XYLT2: variants seen among roughly 807,000 people sequenced by gnomAD.
XYLT2 encodes the protein xylosyltransferase 2.
In XYLT2, 37 loss-of-function variants were observed where a neutral mutation model predicts 82.6. The ratio of observed to expected loss-of-function variants is 0.45; its 90% confidence interval spans 0.34 to 0.59. The LOEUF (loss-of-function observed/expected upper bound fraction) is 0.59. Among genes scored for constraint, XYLT2 ranks in the 20% least tolerant of loss-of-function variants. The probability of loss-of-function intolerance (pLI) is 0.01; values close to 1 mark genes in which losing one functional copy is unlikely to be tolerated. For missense variants in XYLT2, 934 were observed against 1,181.3 expected (o/e 0.79, Z 3.07); for synonymous variants, 474 against 499.0 (o/e 0.95, Z 0.67).
chr17:50,355,827 T>G lies in XYLT2; in HGVS notation c.1135T>G (p.Ser379Ala). 6.2e-7 allele frequency: 1 copy of G among 1,614,260 alleles called. No homozygotes were observed. ...GGACCGGCTCTTCCATGAGTGCGACTCACACATGTGGCGCCTGGGCGAGCG... is the reference window on the plus strand; with the variant it reads ...GGACCGGCTCTTCCATGAGTGCGACGCACACATGTGGCGCCTGGGCGAGCG... The part of the protein sequence containing the change: ...GLDRLFHECD[S>A]HMWRLGERQI... Residue 379 changes from serine (S) to alanine (A), a missense_variant, in exon 6 of 11, where the codon TCA becomes GCA. This residue lies in a region of XYLT2 where 189 missense variants were observed against 320.8 expected (regional missense o/e 0.59). Transcript: ENST00000017003.
intron 1 of XYLT2, among the ~76,000 whole-genome samples, chr17:50,349,779 G>A (rs1362972415): frequency 6.6e-6 from 1 of 152,056 alleles, no homozygotes. Flanking sequence ...GAGGTGAGGA[G>A]CACAGAGAAC....
intron 10 of XYLT2, 81 bp downstream of exon 10, chr17:50,358,621 A>C (rs1159477413): frequency 7.2e-7 from 1 of 1,396,060 alleles, no homozygotes; most frequent in Non-Finnish European, 9.6e-7. Flanking sequence ...GAAGCCAACC[A>C]TCAGAGCTGA....
At chr17:50,354,145 C>T (rs1241263947) in intron 2 of XYLT2, 23 bp downstream of exon 2, 3 of 1,599,860 alleles carry the variant, frequency 1.9e-6, no homozygotes, top group Non-Finnish European at 2.5e-6. Context: ...GGTGCTCCAG[C>T]CCTTCCCAGG....
chr17:50,356,479 G>C, intron 7 of XYLT2, 32 bp from the exon 8 acceptor site: 5 of 1,608,468 alleles, frequency 3.1e-6, no homozygotes, highest in Non-Finnish European at 4.2e-6. Context: ...GGCTTCCAGA[G>C]CCCTTCACCC....
rs1371988669 is a variant in XYLT2 at position 50,346,236 on chromosome 17, G to A, written c.96G>A (p.Val32=). 8.0e-7 allele frequency: 1 copy of A among 1,248,192 alleles called. No homozygotes were observed. The allele number at this position is 1,248,192 out of a possible 1,614,324, so 77.3% of individuals were successfully genotyped here. The change falls in exon 1 of 11, where the codon GTG becomes GTA. Residue 32 remains valine, a synonymous_variant. Coordinates refer to ENST00000017003, the MANE Select transcript of XYLT2 (RefSeq NM_022167.4). The surrounding 1 kb of genome is among the most constrained non-coding windows in gnomAD (Gnocchi z 5.1). ...LAILLLQGLV[V]WSFSGLEEDE... is the part of the protein sequence containing the mutation. ...TCCTGCTGCTGCAGGGCCTGGTAGT[G>A]TGGAGCTTCAGCGGCCTGGAGGAGG...
In XYLT2 at chr17:50,346,288, CCGGG is replaced by C; in HGVS notation, c.135+23_135+26del. ...CGAGGCGGGCGAGGTGCTCCGACGG[CCGGG>C]CGGGCGGGCAGGCCGGGCGCGGGGG... On this transcript the variant is annotated intron_variant, in intron 1 of 10. Transcript: ENST00000017003. The surrounding 1 kb of genome is among the most constrained non-coding windows in gnomAD (Gnocchi z 5.1). 3 of 1,091,018 alleles carry C rather than the reference CCGGG, an allele frequency of 2.7e-6. No homozygotes were observed. Among genetic ancestry groups the C allele is most frequent in the South Asian group, 3.1e-5 (1 of 32,208 alleles). The allele number at this position is 1,091,018 out of a possible 1,614,324, so 67.6% of individuals were successfully genotyped here. A position where few individuals can be genotyped will look rare whatever the true frequency, so the allele number is the denominator to read the frequency against.
At position 50,356,017 on chromosome 17, in the gene XYLT2, T is replaced by C. The variant is rs989333703; in HGVS notation, c.1305+20T>C. 5 of 1,614,224 alleles carry C rather than the reference T, an allele frequency of 3.1e-6. No homozygotes were observed. The highest frequency in any genetic ancestry group is 4.2e-6 in the Non-Finnish European group (5 of 1,180,020). ...GCCGAGGTGGGTAGCCCAGCAGGCA[T>C]GAAGGCCAGGGAGGGCGTGGGTTGG... On this transcript the variant is annotated intron_variant, in intron 6 of 10. Coordinates refer to ENST00000017003, the MANE Select transcript of XYLT2 (RefSeq NM_022167.4).
Position 50,360,104 on chromosome 17 carries a change from C to G in XYLT2, c.2411C>G (p.Thr804Arg), listed in dbSNP as rs1482888947. 6.2e-7 allele frequency: 1 copy of G among 1,613,868 alleles called. No homozygotes were observed. Among genetic ancestry groups the G allele is most frequent in the Admixed American group, 1.7e-5 (1 of 60,016 alleles). The change falls in exon 11 of 11, where the codon ACA becomes AGA. Residue 804 changes from threonine (T) to arginine (R), a missense_variant. Thr to Arg is a moderately conservative substitution (Grantham distance 71, BLOSUM62 -1). This residue lies in a region of XYLT2 where 374 missense variants were observed against 465.6 expected (regional missense o/e 0.80). Coordinates refer to ENST00000017003, the MANE Select transcript of XYLT2 (RefSeq NM_022167.4). ...GCTGCCCAGCGGCACACACAGCTCACAGGCCCTGCGCTCGAGGCCTGGACA... is the reference window on the plus strand; with the variant it reads ...GCTGCCCAGCGGCACACACAGCTCAGAGGCCCTGCGCTCGAGGCCTGGACA... ...EEAAQRHTQL[T>R]GPALEAWTDR...
In XYLT2 at chr17:50,354,049, C is replaced by A. The variant is rs1414379536; in HGVS notation, c.555C>A (p.Ile185=). 7 of 1,608,386 alleles carry A rather than the reference C, an allele frequency of 4.4e-6. No homozygotes were observed. Among genetic ancestry groups the A allele is most frequent in the African/African-American group, 1.3e-5 (1 of 75,048 alleles). The part of the protein sequence containing the change: ...RASTKQCQQE[I]ANVVCLHQAG... The stretch of plus-strand genomic sequence containing the variant: ...GCACCAAGCAGTGCCAGCAGGAGAT[C>A]GCCAATGTGGTGTGCCTGCACCAGG... Residue 185 remains isoleucine, a synonymous_variant, in exon 2 of 11, where the codon ATC becomes ATA. Coordinates refer to ENST00000017003, the MANE Select transcript of XYLT2 (RefSeq NM_022167.4).
chr17:50,356,011 C>T lies in XYLT2; in HGVS notation c.1305+14C>T. The stretch of plus-strand genomic sequence containing the variant: ...CTCCCAGCCGAGGTGGGTAGCCCAG[C>T]AGGCATGAAGGCCAGGGAGGGCGTG... On this transcript the variant is annotated intron_variant, in intron 6 of 10. Transcript: ENST00000017003. 6.2e-7 allele frequency: 1 copy of T among 1,614,242 alleles called. No homozygotes were observed.
intron 4 of XYLT2, 59 bp downstream of exon 4, chr17:50,355,115 G>T (rs968505968): frequency 2.0e-6 from 3 of 1,498,990 alleles, no homozygotes; most frequent in Non-Finnish European, 2.7e-6. Context: ...TGGGCACCTG[G>T]GGTTGGAGGG....
At chr17:50,347,008 GC>G in intron 1 of XYLT2, 1 of 904,708 alleles carries the variant, frequency 1.1e-6, no homozygotes, top group Non-Finnish European at 1.3e-6. Context: ...CTGTAACAGA[GC>G]CCCAGCCGCA....
chr17:50,360,562 CTTTTTTT>C lies in XYLT2; in HGVS notation c.*273_*279del. 2 of 1,014,208 alleles carry C rather than the reference CTTTTTTT, an allele frequency of 2.0e-6. No individual in the cohort carries two copies. Among genetic ancestry groups the C allele is most frequent in the Non-Finnish European group, 2.4e-6 (2 of 849,962 alleles). 62.8% of individuals were successfully genotyped at this position (1,014,208 alleles called of 1,614,324 possible). A position where few individuals can be genotyped will look rare whatever the true frequency, so the allele number is the denominator to read the frequency against. On this transcript the variant is annotated 3_prime_UTR_variant, in exon 11 of 11. Transcript: ENST00000017003. ...TCACCTTCCTGTCTAGTTTGAATTTCTTTTTTTTCTTTTTTTTTTTTTTTTTTTAATT... is the reference window on the plus strand; with the variant it reads ...TCACCTTCCTGTCTAGTTTGAATTTCTCTTTTTTTTTTTTTTTTTTTAATT...
chr17:50,346,997 A>G lies in XYLT2; in HGVS notation c.135+722A>G. 3 of 925,564 alleles carry G rather than the reference A, an allele frequency of 3.2e-6. No homozygotes were observed. In the South Asian group the frequency reaches 1.5e-4, roughly 46 times the overall value. The allele number at this position is 925,564 out of a possible 1,614,324, so 57.3% of individuals were successfully genotyped here. A position where few individuals can be genotyped will look rare whatever the true frequency, so the allele number is the denominator to read the frequency against. ...GCCCTCTGGCTTTAAGGGAATGGGG[A>G]CTGTAACAGAGCCCCAGCCGCAGAG... On this transcript the variant is annotated intron_variant, in intron 1 of 10. Coordinates refer to ENST00000017003, the MANE Select transcript of XYLT2 (RefSeq NM_022167.4). The surrounding 1 kb of genome is among the most constrained non-coding windows in gnomAD (Gnocchi z 5.1).
At chr17:50,356,434 C>A in intron 7 of XYLT2, 77 bp from the exon 8 acceptor site, 1 of 1,575,308 alleles carries the variant, frequency 6.3e-7, no homozygotes, top group Middle Eastern at 1.7e-4. Flanking sequence ...GAGCTCTAGG[C>A]AGTGCTGAGG....
rs770442432 is a variant in XYLT2, at chr17:50,358,411, C to T, written c.2146C>T (p.Pro716Ser). 6.2e-7 allele frequency: 1 copy of T among 1,614,142 alleles called. No homozygotes were observed. Among genetic ancestry groups the T allele is most frequent in the South Asian group, 1.1e-5 (1 of 91,088 alleles). ...DTETEVTQYK[P>S]PLSRPLRPGP... ...GGAGACTGAGGTCACGCAATACAAG[C>T]CCCCACTGAGCCGGCCCCTGCGGCC... is the stretch of plus-strand genomic sequence containing the variant. The change falls in exon 10 of 11, where the codon CCC becomes TCC. Residue 716 changes from proline to serine, a missense_variant. Around this residue, in one of 3 missense-constraint regions of XYLT2, gnomAD observed 374 missense variants for 465.6 expected, o/e 0.80. Coordinates refer to ENST00000017003, the MANE Select transcript of XYLT2 (RefSeq NM_022167.4).
chr17:50,346,520 G>A lies in XYLT2; in HGVS notation c.135+245G>A. ...GGCCCTGGTGGATTGGGAGTCGGGC[G>A]GGGGGAGCAGGTCATGCTAGGGTGG... On this transcript the variant is annotated intron_variant, in intron 1 of 10. Transcript: ENST00000017003. The surrounding 1 kb of genome is among the most constrained non-coding windows in gnomAD (Gnocchi z 5.1). 1 of 877,288 alleles carries A rather than the reference G, an allele frequency of 1.1e-6. No individual in the cohort carries two copies. The highest frequency in any genetic ancestry group is 5.3e-5 in the South Asian group (1 of 19,028). The allele number at this position is 877,288 out of a possible 1,614,324, so 54.3% of individuals were successfully genotyped here.
intron 9 of XYLT2, 183 bp from the exon 10 acceptor site, chr17:50,358,024 G>A (rs562418459): frequency 9.8e-6 from 6 of 611,428 alleles, no homozygotes; most frequent in Admixed American, 3.0e-5. Context: ...AGCCTAGAAC[G>A]AATCTCAGAG....
intron 1 of XYLT2, among the ~76,000 whole-genome samples, chr17:50,351,866 C>G (rs1489691795): frequency 1.3e-5 from 2 of 152,106 alleles, no homozygotes. Flanking sequence ...AGAGGTCAAT[C>G]TGAGATTTGG....
Sources: gnomAD v4.1 joint callset for allele counts (sites outside exome capture counted in the v4.1 genomes callset) on GRCh38, gnomAD v4.1.1 for gene constraint, gnomAD v4.1.1 regional missense constraint, Gnocchi (gnomAD v3.1) non-coding constraint, MANE v1.5 for transcripts, NCBI Gene and HGNC (gene_info 2026-07-23, HGNC 2026-07-21) for gene names.